The following SLC4A3 variants were observed in gnomAD, a reference collection of about 807,000 sequenced individuals.
The protein encoded by SLC4A3 is solute carrier family 4 member 3.
SLC4A3 carries 47 observed loss-of-function variants against 114.2 expected under a neutral mutation model. That is an observed-to-expected ratio of 0.41 (90% CI 0.33 to 0.52). The LOEUF is 0.52. Among genes scored for constraint, SLC4A3 ranks in the 20% least tolerant of loss-of-function variants. SLC4A3 has a pLI of 0.21. For missense variants in SLC4A3, 1,312 were observed against 1,668.3 expected (o/e 0.79, Z 3.72); for synonymous variants, 693 against 710.3 (o/e 0.98, Z 0.39).
In SLC4A3 at chr2:219,635,906, C is replaced by A; in HGVS notation, c.2191+15C>A. 1 of 1,482,638 alleles carries A rather than the reference C, an allele frequency of 6.7e-7. No individual in the cohort carries two copies. Among genetic ancestry groups the A allele is most frequent in the Non-Finnish European group, 8.9e-7 (1 of 1,118,984 alleles). The allele number at this position is 1,482,638 out of a possible 1,614,324, so 91.8% of individuals were successfully genotyped here. On this transcript the variant is annotated intron_variant, in intron 14 of 22. Coordinates refer to ENST00000358055, the MANE Select transcript of SLC4A3 (RefSeq NM_005070.4). ...GGGGCTGCTGGGTAAGGGACTGGGG[C>A]TTGGGGAGTTGAGGGGCTCCTCTAG... is the stretch of plus-strand genomic sequence containing the variant.
rs750720911 is a variant in SLC4A3 at position 219,628,441 on chromosome 2, G to C, written c.88G>C (p.Asp30His). ...VPLEEPPLSPDVEEEDDDLGK... is the reference protein window; with the variant it reads ...VPLEEPPLSPHVEEEDDDLGK... Reference sequence around the variant, plus strand: ...CTTGGAGGAGCCCCCTCTAAGTCCAGACGTGGAGGAGGAGGACGATGACTT... The same window carrying C: ...CTTGGAGGAGCCCCCTCTAAGTCCACACGTGGAGGAGGAGGACGATGACTT... The change falls in exon 3 of 23, where the codon GAC (aspartate) becomes CAC (histidine). Residue 30 changes from aspartate (D) to histidine (H), a missense_variant. This residue lies in a region of SLC4A3 where 236 missense variants were observed against 212.1 expected (regional missense o/e 1.11). Coordinates refer to ENST00000358055, the MANE Select transcript of SLC4A3 (RefSeq NM_005070.4). This position sits in a 1 kb window ranked among gnomAD's most constrained non-coding sequence, Gnocchi z 4.8. 6.2e-7 allele frequency: 1 copy of C among 1,613,546 alleles called. No individual in the cohort carries two copies. The highest frequency in any genetic ancestry group is 8.5e-7 in the Non-Finnish European group (1 of 1,179,826).
rs1698943635 is a variant in SLC4A3 at position 219,632,090 on chromosome 2, A to G, written c.934A>G (p.Lys312Glu). 1 of 1,613,686 alleles carries G rather than the reference A, an allele frequency of 6.2e-7. No individual in the cohort carries two copies. The highest frequency in any genetic ancestry group is 8.5e-7 in the Non-Finnish European group (1 of 1,179,946). The change falls in exon 7 of 23, where the codon AAA (lysine) becomes GAA (glutamate). Residue 312 changes from lysine to glutamate, a missense_variant. Lys to Glu is a moderately conservative substitution (Grantham distance 56). This residue lies in a region of SLC4A3 where 771 missense variants were observed against 977.7 expected (regional missense o/e 0.79). Coordinates refer to ENST00000358055, the MANE Select transcript of SLC4A3 (RefSeq NM_005070.4). Reference sequence around the variant, plus strand: ...CATCCTTCGCAGGAAGAAGAAGAAGAAAAAGCTGGACCGGAGGCCTCATGA... The same window carrying G: ...CATCCTTCGCAGGAAGAAGAAGAAGGAAAAGCTGGACCGGAGGCCTCATGA... ...APILRRKKKKKKLDRRPHEVF... is the reference protein window; with the variant it reads ...APILRRKKKKEKLDRRPHEVF...
At position 219,628,142 on chromosome 2, in the gene SLC4A3, A is replaced by C. The variant is rs1439933716; in HGVS notation, c.51+99A>C. The C allele has an allele frequency of 2.6e-5, 26 of 1,011,750 alleles. No homozygotes were observed. Among genetic ancestry groups the C allele is most frequent in the Admixed American group, 1.2e-4 (4 of 32,528 alleles). 62.7% of individuals were successfully genotyped at this position (1,011,750 alleles called of 1,614,324 possible). A position where few individuals can be genotyped will look rare whatever the true frequency, so the allele number is the denominator to read the frequency against. On this transcript the variant is annotated intron_variant, in intron 2 of 22. Coordinates refer to ENST00000358055, the MANE Select transcript of SLC4A3 (RefSeq NM_005070.4). The surrounding 1 kb of genome is among the most constrained non-coding windows in gnomAD (Gnocchi z 4.8). Reference sequence around the variant, plus strand: ...CCTCTGGCCGACCCCGGGACCCCCCAGATCCAGGGATGAGCTGGGCTGGGG... The same window carrying C: ...CCTCTGGCCGACCCCGGGACCCCCCCGATCCAGGGATGAGCTGGGCTGGGG...
chr2:219,629,492 C>A, intron 4 of SLC4A3, 71 bp downstream of exon 4: 1 of 1,588,288 alleles, frequency 6.3e-7, no homozygotes, highest in Non-Finnish European at 8.6e-7. Context: ...GAGAGGAGTG[C>A]GTGTTGGGGG....
chr2:219,635,333 G>A lies in SLC4A3; in HGVS notation c.1809G>A (p.Glu603=), dbSNP rs1391405628. 12 of 1,614,074 alleles carry A rather than the reference G, an allele frequency of 7.4e-6. No individual in the cohort carries two copies. In the Admixed American group the frequency reaches 2.0e-4, roughly 27 times the overall value. ...AAGACCTCCTAAGTGCCATCAGCGA[G>A]TTCCTGGATGGCAGCATTGTGATCC... ...DRQDLLSAIS[E]FLDGSIVIPP... is the part of the protein sequence containing the mutation. Residue 603 remains glutamate (E), a synonymous_variant, in exon 13 of 23, where the codon GAG becomes GAA. Transcript: ENST00000358055.
At chr2:219,635,232 G>C (rs749198312) in intron 12 of SLC4A3, 39 bp from the exon 13 acceptor site, 11 of 1,571,728 alleles carry the variant, frequency 7.0e-6, no homozygotes, top group Non-Finnish European at 9.6e-6. Flanking sequence ...AGGCTCCCTT[G>C]GCTGTCCCTG....
At chr2:219,633,829 G>A (rs1396549341) in intron 10 of SLC4A3, 51 bp from the exon 11 acceptor site, 1 of 1,550,050 alleles carries the variant, frequency 6.5e-7, no homozygotes, top group Non-Finnish European at 8.7e-7. Flanking sequence ...GGGAGGGCCT[G>A]CCACGGCCTC....
chr2:219,641,809 T>G lies in SLC4A3; in HGVS notation c.*81T>G. The G allele has an allele frequency of 8.3e-7, 1 of 1,201,932 alleles. No individual in the cohort carries two copies. Among genetic ancestry groups the G allele is most frequent in the Non-Finnish European group, 1.2e-6 (1 of 813,734 alleles). The allele number at this position is 1,201,932 out of a possible 1,614,324, so 74.5% of individuals were successfully genotyped here. Reference sequence around the variant, plus strand: ...CCTCAGGCAGAGCCCAGCCCTGGGCTGGGGGGCTCCTCAGGACCCAGAGAT... The same window carrying G: ...CCTCAGGCAGAGCCCAGCCCTGGGCGGGGGGGCTCCTCAGGACCCAGAGAT... On this transcript the variant is annotated 3_prime_UTR_variant, in exon 23 of 23. Coordinates refer to ENST00000358055, the MANE Select transcript of SLC4A3 (RefSeq NM_005070.4). The surrounding 1 kb of genome is among the most constrained non-coding windows in gnomAD (Gnocchi z 4.0).
At position 219,631,457 on chromosome 2, in the gene SLC4A3, T is replaced by G; in HGVS notation, c.812-511T>G. The G allele has an allele frequency of 7.7e-7, 1 of 1,303,200 alleles. No homozygotes were observed. The highest frequency in any genetic ancestry group is 1.0e-6 in the Non-Finnish European group (1 of 988,102). 80.7% of individuals were successfully genotyped at this position (1,303,200 alleles called of 1,614,324 possible). ...GCCCCATGGCAGGGCCACCAACTTG[T>G]GAGTAACGGGGCTGCTGGCCTTTCC... is the stretch of plus-strand genomic sequence containing the variant. On this transcript the variant is annotated intron_variant, in intron 6 of 22. Coordinates refer to ENST00000358055, the MANE Select transcript of SLC4A3 (RefSeq NM_005070.4). This position sits in a 1 kb window ranked among gnomAD's most constrained non-coding sequence, Gnocchi z 6.3.
At position 219,636,887 on chromosome 2, in the gene SLC4A3, C is replaced by A; in HGVS notation, c.2535+13C>A. 2 of 1,608,222 alleles carry A rather than the reference C, an allele frequency of 1.2e-6. No homozygotes were observed. Among genetic ancestry groups the A allele is most frequent in the Non-Finnish European group, 1.7e-6 (2 of 1,175,762 alleles). ...CAAGCTCTACAAGGTGGAGGTCCAG[C>A]GAGGTCTTGGGGGTGGCAGAGATGG... On this transcript the variant is annotated intron_variant, in intron 16 of 22. Transcript: ENST00000358055. This position sits in a 1 kb window ranked among gnomAD's most constrained non-coding sequence, Gnocchi z 5.5.
rs1234693569 is a variant in SLC4A3, at chr2:219,641,115, A to G, written c.3621+153A>G. 6.6e-6 allele frequency among the ~76,000 whole-genome samples: 1 copy of G among 152,138 alleles called. No individual in the cohort carries two copies. Among genetic ancestry groups the G allele is most frequent in the African/African-American group, 2.4e-5 (1 of 41,432 alleles). On this transcript the variant is annotated intron_variant, in intron 22 of 22. Transcript: ENST00000358055. The surrounding 1 kb of genome is among the most constrained non-coding windows in gnomAD (Gnocchi z 4.0). ...CTTCCGAAATCTTATTTTCACCTGTATAATAGGGGTGATCATAGACCCTAC... is the reference window on the plus strand; with the variant it reads ...CTTCCGAAATCTTATTTTCACCTGTGTAATAGGGGTGATCATAGACCCTAC...
intron 8 of SLC4A3, 77 bp from the exon 9 acceptor site, chr2:219,632,797 G>T: frequency 6.3e-7 from 1 of 1,576,758 alleles, no homozygotes; most frequent in Non-Finnish European, 8.7e-7. Flanking sequence ...CATGCTTTTG[G>T]GGGGCAAGGC....
chr2:219,639,649 G>A lies in SLC4A3; in HGVS notation c.3191G>A (p.Arg1064His), dbSNP rs750234722. The change falls in exon 20 of 23, where the codon CGT becomes CAT. Residue 1064 changes from arginine (R) to histidine (H), a missense_variant. Physicochemically the swap from Arg to His is conservative, Grantham distance 29. This residue lies in a region of SLC4A3 where 301 missense variants were observed against 460.7 expected (regional missense o/e 0.65). Transcript: ENST00000358055. The surrounding 1 kb of genome is among the most constrained non-coding windows in gnomAD (Gnocchi z 5.9). Reference protein sequence around the residue: ...VTHVNALTVMRTAIAPGDKPQ... With the variant: ...VTHVNALTVMHTAIAPGDKPQ... ...CATGTCAATGCGTTGACAGTGATGC[G>A]TACTGCCATCGCGCCTGGTGACAAG... The A allele has an allele frequency of 6.8e-6, 11 of 1,613,348 alleles. No individual in the cohort carries two copies. The highest frequency in any genetic ancestry group is 1.6e-4 in the Middle Eastern group (1 of 6,076).
chr2:219,638,802 A>T lies in SLC4A3; in HGVS notation c.2956A>T (p.Met986Leu). Reference sequence around the variant, plus strand: ...TGCCCGTCCTTTCCCGCCGTGGATGATGGTGGCAGCCGCTGTTCCCGCCCT... The same window carrying T: ...TGCCCGTCCTTTCCCGCCGTGGATGTTGGTGGCAGCCGCTGTTCCCGCCCT... ...GSARPFPPWMMVAAAVPALLV... is the reference protein window; with the variant it reads ...GSARPFPPWMLVAAAVPALLV... Residue 986 changes from methionine (M) to leucine (L), a missense_variant, in exon 19 of 23, where the codon ATG becomes TTG. This residue lies in a region of SLC4A3 where 301 missense variants were observed against 460.7 expected (regional missense o/e 0.65). Transcript: ENST00000358055. This position sits in a 1 kb window ranked among gnomAD's most constrained non-coding sequence, Gnocchi z 7.5. The T allele has an allele frequency of 6.2e-7, 1 of 1,614,118 alleles. No individual in the cohort carries two copies. Among genetic ancestry groups the T allele is most frequent in the Non-Finnish European group, 8.5e-7 (1 of 1,180,030 alleles).
At position 219,638,763 on chromosome 2, in the gene SLC4A3, C is replaced by G. The variant is rs765372246; in HGVS notation, c.2917C>G (p.Pro973Ala). The change falls in exon 19 of 23, where the codon CCA becomes GCA. Residue 973 changes from proline (P) to alanine (A), a missense_variant. Transcript: ENST00000358055. This position sits in a 1 kb window ranked among gnomAD's most constrained non-coding sequence, Gnocchi z 7.5. ...TSPDKRSWFI[P>A]PLGSARPFPP... ...TCCCGATAAGCGCTCGTGGTTCATCCCACCCCTGGGCAGTGCCCGTCCTTT... is the reference window on the plus strand; with the variant it reads ...TCCCGATAAGCGCTCGTGGTTCATCGCACCCCTGGGCAGTGCCCGTCCTTT... The G allele has an allele frequency of 6.2e-7, 1 of 1,614,136 alleles. No individual in the cohort carries two copies. The highest frequency in any genetic ancestry group is 8.5e-7 in the Non-Finnish European group (1 of 1,180,018).
At position 219,635,358 on chromosome 2, in the gene SLC4A3, C is replaced by A. The variant is rs779931345; in HGVS notation, c.1834C>A (p.Pro612Thr). The change falls in exon 13 of 23, where the codon CCC (proline) becomes ACC (threonine). Residue 612 changes from proline (P) to threonine (T), a missense_variant. Physicochemically the swap from Pro to Thr is conservative, Grantham distance 38. This residue lies in a region of SLC4A3 where 771 missense variants were observed against 977.7 expected (regional missense o/e 0.79). Transcript: ENST00000358055. ...GTTCCTGGATGGCAGCATTGTGATCCCCCCGTCCGAGGTGGAGGGCCGTGA... is the reference window on the plus strand; with the variant it reads ...GTTCCTGGATGGCAGCATTGTGATCACCCCGTCCGAGGTGGAGGGCCGTGA... ...SEFLDGSIVIPPSEVEGRDLL... is the reference protein window; with the variant it reads ...SEFLDGSIVITPSEVEGRDLL... 1 of 1,614,176 alleles carries A rather than the reference C, an allele frequency of 6.2e-7. No homozygotes were observed. The highest frequency in any genetic ancestry group is 1.1e-5 in the South Asian group (1 of 91,088).
Position 219,630,147 on chromosome 2 carries a change from C to T in SLC4A3, c.612-6C>T, listed in dbSNP as rs1294807682. Reference sequence around the variant, plus strand: ...CAAGTCCAAGGCTGCTGTGTTGCCTCCCCAGCTCCCCCAGCCCCCGGGCCC... The same window carrying T: ...CAAGTCCAAGGCTGCTGTGTTGCCTTCCCAGCTCCCCCAGCCCCCGGGCCC... On this transcript the variant is annotated splice_region_variant and splice_polypyrimidine_tract_variant and intron_variant, in intron 5 of 22. Transcript: ENST00000358055. The surrounding 1 kb of genome is among the most constrained non-coding windows in gnomAD (Gnocchi z 6.9). 2.5e-6 allele frequency: 4 copies of T among 1,612,564 alleles called. No individual in the cohort carries two copies. The South Asian group carries it at 3.3e-5, about 13-fold the overall frequency.
Position 219,638,662 on chromosome 2 carries a change from G to A in SLC4A3, c.2857-41G>A. 6.2e-7 allele frequency: 1 copy of A among 1,601,388 alleles called. No homozygotes were observed. On this transcript the variant is annotated intron_variant, in intron 18 of 22. Transcript: ENST00000358055. This position sits in a 1 kb window ranked among gnomAD's most constrained non-coding sequence, Gnocchi z 7.5. ...GGCTGCTTGGTGGGCTTTCTAGCAT[G>A]GGGAGGCTGTGTCCCTGAACCCTGT...
In SLC4A3 at chr2:219,634,441, A is replaced by C. The variant is rs1232374834; in HGVS notation, c.1583A>C (p.Gln528Pro). 1 of 1,614,114 alleles carries C rather than the reference A, an allele frequency of 6.2e-7. No homozygotes were observed. ...VLVGCVPFLE[Q>P]PAAAFVRLNE... ...CTAGGTTGTGTGCCTTTCTTGGAGCAGCCTGCAGCAGCCTTCGTGCGTCTG... is the reference window on the plus strand; with the variant it reads ...CTAGGTTGTGTGCCTTTCTTGGAGCCGCCTGCAGCAGCCTTCGTGCGTCTG... The change falls in exon 12 of 23, where the codon CAG becomes CCG. Residue 528 changes from glutamine to proline, a missense_variant. Coordinates refer to ENST00000358055, the MANE Select transcript of SLC4A3 (RefSeq NM_005070.4).
Sources: allele counts gnomAD v4.1 joint callset (sites outside exome capture counted in the v4.1 genomes callset), GRCh38; gene constraint gnomAD v4.1.1; regional missense constraint gnomAD v4.1.1; non-coding constraint Gnocchi (gnomAD v3.1); transcripts MANE v1.5; gene names NCBI Gene and HGNC (gene_info 2026-07-23, HGNC 2026-07-21).